The following GABRB1 variants were observed in gnomAD, a reference collection of about 807,000 sequenced individuals.
GABRB1 encodes gamma-aminobutyric acid type A receptor subunit beta1, also known as gamma-aminobutyric acid receptor subunit beta-1.
A neutral mutation model predicts 51.6 loss-of-function variants in GABRB1; 17 were observed. That is an observed-to-expected ratio of 0.33 (90% CI 0.23 to 0.49). The LOEUF (loss-of-function observed/expected upper bound fraction) is 0.49. GABRB1 is among the 20% of genes least tolerant of loss of function. The probability of loss-of-function intolerance (pLI) is 0.99; values close to 1 mark genes in which losing one functional copy is unlikely to be tolerated. For missense variants in GABRB1, 410 were observed against 600.6 expected (o/e 0.68, Z 3.32); for synonymous variants, 247 against 218.9 (o/e 1.13, Z -1.14).
At position 47,013,157 on chromosome 4, in the gene GABRB1, G is replaced by GTT. The variant is rs770363515; in HGVS notation, c.-19-18756_-19-18755insTT. ...TTGCATTCTGTGTGTGTGTGTGTGT[G>GTT]TGTGTGTAAGGCTATTCTTATCTTT... On this transcript the variant is annotated intron_variant, in intron 1 of 3. Coordinates refer to the GABRB1 transcript ENST00000513567. 5.2e-3 allele frequency among the ~76,000 whole-genome samples: 786 copies of GTT among 152,022 alleles called. 5 individuals carry two copies. The highest frequency in any genetic ancestry group is 7.1e-3 in the Non-Finnish European group (481 of 67,976).
chr4:47,379,410 C>G (rs1727514249), intron 5 of GABRB1, among the ~76,000 whole-genome samples: 2 of 152,164 alleles, frequency 1.3e-5, no homozygotes, highest in African/African-American at 4.8e-5. Flanking sequence ...ATATTCAACA[C>G]TTCATTATAA....
chr4:47,406,249 C>T (rs898332626), intron 7 of GABRB1, among the ~76,000 whole-genome samples: 24 of 152,162 alleles, frequency 1.6e-4, no homozygotes, highest in Non-Finnish European at 3.1e-4. Flanking sequence ...TAGTCACCAG[C>T]TTTCAGTTTG....
At chr4:47,181,808 A>C (rs578076008) in intron 4 of GABRB1, among the ~76,000 whole-genome samples, 7 of 152,184 alleles carry the variant, frequency 4.6e-5, no homozygotes, top group African/African-American at 1.7e-4. Flanking sequence ...TGCTCATTAA[A>C]TCATCTTCCC....
Position 47,225,288 on chromosome 4 carries a change from G to T in GABRB1, c.461+63819G>T, listed in dbSNP as rs148924467. Among the ~76,000 whole-genome samples the T allele has an allele frequency of 4.4e-3, 665 of 152,260 alleles. 7 individuals are homozygous for T. Among genetic ancestry groups the T allele is most frequent in the African/African-American group, 0.015 (627 of 41,562 alleles). ...AGTCCATGCCGCGGAATTATAGACA[G>T]AACTTTGTGAGGATATGCATTTGGT... On this transcript the variant is annotated intron_variant, in intron 4 of 8. Coordinates refer to ENST00000295454, the MANE Select transcript of GABRB1 (RefSeq NM_000812.4).
At chr4:47,300,960 C>T (rs530501132) in intron 4 of GABRB1, among the ~76,000 whole-genome samples, 1 of 152,120 alleles carries the variant, frequency 6.6e-6, no homozygotes, top group Admixed American at 6.5e-5. Flanking sequence ...ATCTCTATAA[C>T]CTGTTAGCCA....
At chr4:46,994,994 G>A (rs1723941592) in intron 1 of GABRB1, among the ~76,000 whole-genome samples, 1 of 152,142 alleles carries the variant, frequency 6.6e-6, no homozygotes, top group Admixed American at 6.5e-5. Context: ...AGAGCTCCGT[G>A]CTCTGTATTC....
chr4:47,318,144 A>G (rs1724954649), intron 4 of GABRB1, among the ~76,000 whole-genome samples: 1 of 151,986 alleles, frequency 6.6e-6, no homozygotes, highest in Admixed American at 6.6e-5. Context: ...TAATTAAATT[A>G]TCTTTTTGCA....
intron 4 of GABRB1, among the ~76,000 whole-genome samples, chr4:47,166,184 T>TC (rs1242860669): frequency 2.0e-5 from 3 of 152,098 alleles, no homozygotes; most frequent in Non-Finnish European, 4.4e-5. Flanking sequence ...AAATATTTTA[T>TC]CCCATAAACA....
At chr4:47,419,942 G>A (rs1043563810) in intron 8 of GABRB1, among the ~76,000 whole-genome samples, 6 of 152,126 alleles carry the variant, frequency 3.9e-5, no homozygotes, top group Non-Finnish European at 7.4e-5. Flanking sequence ...AGCGTTTCTC[G>A]ATTGGCCCTC....
chr4:47,083,565 G>A (rs1029400823), intron 3 of GABRB1, among the ~76,000 whole-genome samples: 2 of 152,114 alleles, frequency 1.3e-5, no homozygotes, highest in Non-Finnish European at 2.9e-5. Flanking sequence ...AGGGGTTAGA[G>A]ACTTGCTTAG....
chr4:47,291,301 G>GA (rs1224740407), intron 4 of GABRB1, among the ~76,000 whole-genome samples: 2 of 152,224 alleles, frequency 1.3e-5, no homozygotes, highest in African/African-American at 2.4e-5. Flanking sequence ...TGAGGTATGG[G>GA]AACCTCTGCC....
At chr4:47,263,639 T>A (rs1290275303) in intron 4 of GABRB1, among the ~76,000 whole-genome samples, 1 of 151,904 alleles carries the variant, frequency 6.6e-6, no homozygotes, top group Admixed American at 6.6e-5. Flanking sequence ...AAAAACAAAG[T>A]AAACCCTCAA....
rs190355954 is a variant in GABRB1 at position 47,268,333 on chromosome 4, T to C, written c.462-51794T>C. Among the ~76,000 whole-genome samples the C allele has an allele frequency of 5.9e-5, 9 of 152,306 alleles. No homozygotes were observed. The East Asian group carries it at 1.5e-3, about 26-fold the overall frequency. The stretch of plus-strand genomic sequence containing the variant: ...TCAGAAAATTGGCTGTTAGGATACA[T>C]TGCAAAAGAAGAATGTTTCAAAATA... On this transcript the variant is annotated intron_variant, in intron 4 of 8. Transcript: ENST00000295454.
intron 5 of GABRB1, among the ~76,000 whole-genome samples, chr4:47,353,871 G>C (rs923072679): frequency 6.6e-6 from 1 of 151,588 alleles, no homozygotes; most frequent in Non-Finnish European, 1.5e-5. Context: ...TTACTTCTTG[G>C]TTTTTCAGGT....
intron 4 of GABRB1, among the ~76,000 whole-genome samples, chr4:47,211,358 C>G (rs1191893977): frequency 6.6e-6 from 1 of 152,056 alleles, no homozygotes; most frequent in Non-Finnish European, 1.5e-5. Flanking sequence ...AATTCATTTG[C>G]TTTGTATTAG....
At chr4:47,325,477 A>G (rs1002401026) in intron 5 of GABRB1, among the ~76,000 whole-genome samples, 1 of 151,970 alleles carries the variant, frequency 6.6e-6, no homozygotes. Flanking sequence ...CACTGGTAAA[A>G]CTGTCCACTT....
intron 4 of GABRB1, among the ~76,000 whole-genome samples, chr4:47,195,582 GT>G (rs745805576): frequency 6.6e-6 from 1 of 152,050 alleles, no homozygotes; most frequent in Non-Finnish European, 1.5e-5. Context: ...AATTAAAACT[GT>G]ATAAATGTTG....
intron 3 of GABRB1, among the ~76,000 whole-genome samples, chr4:47,089,702 A>C (rs1728218873): frequency 6.6e-6 from 1 of 152,214 alleles, no homozygotes; most frequent in African/African-American, 2.4e-5. Flanking sequence ...ATATTCAGAT[A>C]ATAAATGATC....
At chr4:47,007,382 A>C (rs1369126825) in intron 1 of GABRB1, among the ~76,000 whole-genome samples, 1 of 152,180 alleles carries the variant, frequency 6.6e-6, no homozygotes, top group Non-Finnish European at 1.5e-5. Context: ...TAAAGAACAC[A>C]TTGACAAAAC....
Sources: gnomAD v4.1 joint callset for allele counts (sites outside exome capture counted in the v4.1 genomes callset) on GRCh38, gnomAD v4.1.1 for gene constraint, MANE v1.5 for transcripts, NCBI Gene and HGNC (gene_info 2026-07-23, HGNC 2026-07-21) for gene names.